Variants in GUCY1B1 observed in about 807,000 individuals in gnomAD.
GUCY1B1 encodes guanylate cyclase soluble subunit beta-1.
In GUCY1B1, 43 loss-of-function variants were observed where a neutral mutation model predicts 71.0. That is an observed-to-expected ratio of 0.61 (90% CI 0.47 to 0.78). GUCY1B1 has a LOEUF of 0.78. Ranked by LOEUF, GUCY1B1 falls within the 30% of genes least tolerant of loss-of-function variation. The probability of loss-of-function intolerance (pLI) is 0.00; values close to 1 mark genes in which losing one functional copy is unlikely to be tolerated. For synonymous variants in GUCY1B1, 266 were observed against 259.7 expected (o/e 1.02, Z -0.23); for missense variants, 535 against 754.1 (o/e 0.71, Z 3.40).
chr4:155,786,565 G>C (rs183788349), intron 4 of GUCY1B1, among the ~76,000 whole-genome samples: 193 of 145,460 alleles, frequency 1.3e-3, no homozygotes, highest in African/African-American at 4.6e-3. Context: ...CACCTCCCGG[G>C]TTCATGCCAT....
chr4:155,807,449 A>G lies in GUCY1B1; in HGVS notation c.*1040A>G, dbSNP rs1579269952. The G allele has an allele frequency of 6.6e-6, 1 of 152,298 alleles. No individual in the cohort carries two copies. Among genetic ancestry groups the G allele is most frequent in the African/African-American group, 2.4e-5 (1 of 41,580 alleles). 9.4% of individuals were successfully genotyped at this position (152,298 alleles called of 1,614,324 possible). On this transcript the variant is annotated 3_prime_UTR_variant, in exon 14 of 14. Coordinates refer to ENST00000264424, the MANE Select transcript of GUCY1B1 (RefSeq NM_000857.5). ...TGTCTCTGATAACTTATTAATATCT[A>G]TCTTTATAAAATAGAGTGCAACTAC...
rs143673846 is a variant in GUCY1B1, at chr4:155,791,966, T to G, written c.496-1890T>G. On this transcript the variant is annotated intron_variant, in intron 5 of 13. Coordinates refer to ENST00000264424, the MANE Select transcript of GUCY1B1 (RefSeq NM_000857.5). ...TAGAATCTTTGGCATGGGAGATTGA[T>G]GGCTTTAGCAAACTGTATGAAATTC... 4.7e-3 allele frequency among the ~76,000 whole-genome samples: 712 copies of G among 152,286 alleles called. 7 individuals are homozygous for G. Among genetic ancestry groups the G allele is most frequent in the African/African-American group, 0.016 (670 of 41,554 alleles).
chr4:155,765,742 C>A (rs1737290339), intron 2 of GUCY1B1, among the ~76,000 whole-genome samples: 1 of 152,166 alleles, frequency 6.6e-6, no homozygotes, highest in African/African-American at 2.4e-5. Flanking sequence ...GTCCTACATA[C>A]CCTTAGCATT....
chr4:155,800,844 C>T (rs1207985518), intron 9 of GUCY1B1, among the ~76,000 whole-genome samples: 3 of 151,982 alleles, frequency 2.0e-5, no homozygotes, highest in African/African-American at 7.2e-5. Flanking sequence ...AAACATTTGG[C>T]GGAGCTTCTA....
intron 12 of GUCY1B1, 53 bp downstream of exon 12, chr4:155,804,800 C>CGGCCGGGCGCGGTGGCTCACGCCTGT: frequency 6.8e-7 from 1 of 1,480,392 alleles, no homozygotes; most frequent in Non-Finnish European, 9.3e-7. Context: ...TGTGTCTTTG[C>CGGCCGGGCGCGGTGGCTCACGCCTGT]ATGTGGTTTA....
At chr4:155,789,935 C>G (rs751815128) in intron 5 of GUCY1B1, 24 bp downstream of exon 5, 22 of 1,447,536 alleles carry the variant, frequency 1.5e-5, no homozygotes, top group Non-Finnish European at 2.0e-5. Context: ...ATGGAGACTT[C>G]TGAACACAGA....
Position 155,795,345 on chromosome 4 carries a change from A to G in GUCY1B1, c.731A>G (p.Gln244Arg). The change falls in exon 7 of 14, where the codon CAG (glutamine) becomes CGG (arginine). Residue 244 changes from glutamine (Q) to arginine (R), a missense_variant. By Grantham distance (43) the Gln-to-Arg change is conservative. Coordinates refer to ENST00000264424, the MANE Select transcript of GUCY1B1 (RefSeq NM_000857.5). The part of the protein sequence containing the change: ...NAIYRVLPQL[Q>R]PGNCSLLSVF... ...TGCTCTCTATCTATATTTTAGCTCC[A>G]GCCTGGGAATTGCAGCCTTCTGTCT... The G allele has an allele frequency of 6.3e-7, 1 of 1,578,586 alleles. No homozygotes were observed. The highest frequency in any genetic ancestry group is 8.7e-7 in the Non-Finnish European group (1 of 1,149,132).
intron 4 of GUCY1B1, among the ~76,000 whole-genome samples, chr4:155,786,700 C>T (rs903513760): frequency 5.3e-5 from 8 of 151,796 alleles, no homozygotes; most frequent in African/African-American, 1.9e-4. Flanking sequence ...GTCTTGATCT[C>T]CTGACCTTGT....
chr4:155,770,558 A>G (rs569254853), intron 2 of GUCY1B1, among the ~76,000 whole-genome samples: 2 of 152,192 alleles, frequency 1.3e-5, no homozygotes, highest in African/African-American at 4.8e-5. Flanking sequence ...TTATTCCTTC[A>G]TTGTATATTC....
At chr4:155,799,768 T>C in intron 8 of GUCY1B1, 109 bp from the exon 9 acceptor site, 1 of 601,350 alleles carries the variant, frequency 1.7e-6, no homozygotes, top group Non-Finnish European at 3.0e-6. Flanking sequence ...TTCAGCCTGA[T>C]GTTTTGAATG....
chr4:155,777,760 G>C (rs183464152), intron 4 of GUCY1B1, 118 bp downstream of exon 4: 2 of 560,440 alleles, frequency 3.6e-6, no homozygotes, highest in African/African-American at 3.8e-5. Flanking sequence ...AAATGGAATC[G>C]TAGTCACCTT....
chr4:155,793,379 G>T lies in GUCY1B1; in HGVS notation c.496-477G>T, dbSNP rs556211505. Among the ~76,000 whole-genome samples the T allele has an allele frequency of 3.9e-5, 6 of 152,198 alleles. No homozygotes were observed. In the South Asian group the frequency reaches 1.0e-3, roughly 26 times the overall value. The stretch of plus-strand genomic sequence containing the variant: ...GGCGTGAGCCACTGCACCTGGCCTG[G>T]TATTGTAACTTTATGTATTTGATAG... On this transcript the variant is annotated intron_variant, in intron 5 of 13. Coordinates refer to ENST00000264424, the MANE Select transcript of GUCY1B1 (RefSeq NM_000857.5).
chr4:155,780,428 G>A (rs769636733), intron 4 of GUCY1B1, among the ~76,000 whole-genome samples: 4 of 151,976 alleles, frequency 2.6e-5, no homozygotes, highest in Non-Finnish European at 4.4e-5. Context: ...TCCTAGTCAC[G>A]GTAACTAACC....
intron 2 of GUCY1B1, among the ~76,000 whole-genome samples, chr4:155,765,549 G>C (rs1226865526): frequency 6.6e-6 from 1 of 152,152 alleles, no homozygotes; most frequent in Non-Finnish European, 1.5e-5. Context: ...TTTATTCCAG[G>C]TAAAAGTAGA....
chr4:155,804,483 A>T, intron 11 of GUCY1B1, 110 bp from the exon 12 acceptor site: 1 of 797,182 alleles, frequency 1.3e-6, no homozygotes, highest in Admixed American at 2.3e-5. Flanking sequence ...TACCTATGTA[A>T]CAAACCTGCA....
In GUCY1B1 at chr4:155,802,498, G is replaced by T. The variant is rs375887212; in HGVS notation, c.1332G>T (p.Met444Ile). ...AGCATGCATCTGGAGAAGGAGCCAT[G>T]AAGATCGTCAACCTCCTCAACGACC... The part of the protein sequence containing the change: ...CSKHASGEGA[M>I]KIVNLLNDLY... Residue 444 changes from methionine (M) to isoleucine (I), a missense_variant, in exon 10 of 14, where the codon ATG (methionine) becomes ATT (isoleucine). By Grantham distance (10) the Met-to-Ile change is conservative. Coordinates refer to ENST00000264424, the MANE Select transcript of GUCY1B1 (RefSeq NM_000857.5). The surrounding 1 kb of genome is among the most constrained non-coding windows in gnomAD (Gnocchi z 4.3). The T allele has an allele frequency of 6.2e-6, 10 of 1,613,108 alleles. No homozygotes were observed. Among genetic ancestry groups the T allele is most frequent in the Non-Finnish European group, 7.6e-6 (9 of 1,179,552 alleles).
intron 9 of GUCY1B1, among the ~76,000 whole-genome samples, chr4:155,800,628 A>C (rs1241299445): frequency 2.6e-5 from 4 of 152,238 alleles, no homozygotes; most frequent in Admixed American, 2.6e-4. Context: ...CAAAATATAA[A>C]ACATTTCTAT....
chr4:155,792,129 G>A (rs751510317), intron 5 of GUCY1B1, among the ~76,000 whole-genome samples: 1 of 151,900 alleles, frequency 6.6e-6, no homozygotes, highest in African/African-American at 2.4e-5. Flanking sequence ...TTTTTCAAAA[G>A]CACTGTTTTG....
At chr4:155,786,249 A>G (rs1738756217) in intron 4 of GUCY1B1, among the ~76,000 whole-genome samples, 1 of 147,090 alleles carries the variant, frequency 6.8e-6, no homozygotes, top group Non-Finnish European at 1.5e-5. Context: ...GCCTTTTTGA[A>G]GTTATTGTTT....
Sources: allele counts gnomAD v4.1 joint callset (sites outside exome capture counted in the v4.1 genomes callset), GRCh38; gene constraint gnomAD v4.1.1; non-coding constraint Gnocchi (gnomAD v3.1); transcripts MANE v1.5; gene names NCBI Gene and HGNC (gene_info 2026-07-23, HGNC 2026-07-21).